Variants in EYS observed in about 807,000 individuals in gnomAD.
EYS encodes the protein EGF-like photoreceptor maintenance factor.
A neutral mutation model predicts 282.1 loss-of-function variants in EYS; 250 were observed. The observed-to-expected ratio is 0.89, with a 90% CI of 0.80 to 0.98. The LOEUF (loss-of-function observed/expected upper bound fraction) is 0.98, where lower values mean the gene tolerates loss of function less well. Ranked by LOEUF, EYS falls within the 50% of genes least tolerant of loss-of-function variation. The pLI, the probability that EYS is intolerant of heterozygous loss-of-function variation, is 0.00. For missense variants in EYS, 4,016 were observed against 3,709.0 expected (o/e 1.08, Z -2.15); for synonymous variants, 1,355 against 1,282.9 (o/e 1.06, Z -1.20).
intron 22 of EYS, among the ~76,000 whole-genome samples, chr6:64,633,626 C>CAAAAAAAAA (rs58815312): frequency 7.1e-6 from 1 of 140,614 alleles, no homozygotes. Flanking sequence ...CTTTTCTCAG[C>CAAAAAAAAA]AAAAAAAAAA....
intron 30 of EYS, among the ~76,000 whole-genome samples, chr6:64,274,322 G>A (rs758553812): frequency 4.0e-5 from 6 of 151,876 alleles, no homozygotes; most frequent in South Asian, 2.1e-4. Flanking sequence ...ATACAGGCCC[G>A]CGCCACCACG....
At chr6:63,843,404 G>T (rs1219392050) in intron 36 of EYS, among the ~76,000 whole-genome samples, 2 of 152,060 alleles carry the variant, frequency 1.3e-5, no homozygotes, top group Non-Finnish European at 2.9e-5. Flanking sequence ...TTGGCTGTTT[G>T]TCTATTATTG....
chr6:65,279,775 A>C (rs2150274135), intron 12 of EYS, among the ~76,000 whole-genome samples: 2 of 152,342 alleles, frequency 1.3e-5, no homozygotes, highest in Middle Eastern at 3.4e-3. Flanking sequence ...GACTTACATA[A>C]ACCTTTCTTA....
At chr6:65,086,002 G>T (rs994020563) in intron 12 of EYS, among the ~76,000 whole-genome samples, 1 of 148,800 alleles carries the variant, frequency 6.7e-6, no homozygotes, top group African/African-American at 2.5e-5. Flanking sequence ...GGAGTACCTG[G>T]CTTAATGTAT....
chr6:65,001,445 T>C (rs1227868350), intron 13 of EYS, among the ~76,000 whole-genome samples: 1 of 147,628 alleles, frequency 6.8e-6, no homozygotes, highest in African/African-American at 2.4e-5. Context: ...TCTCTCTTTC[T>C]CTGCGGAAGA....
At chr6:64,223,349 T>C (rs755605022) in intron 31 of EYS, among the ~76,000 whole-genome samples, 1 of 152,078 alleles carries the variant, frequency 6.6e-6, no homozygotes, top group Non-Finnish European at 1.5e-5. Context: ...AGTAAATTCA[T>C]CAAATGTTAA....
chr6:64,060,605 AAAC>A (rs1771133792), intron 33 of EYS, among the ~76,000 whole-genome samples: 1 of 152,200 alleles, frequency 6.6e-6, no homozygotes, highest in Non-Finnish European at 1.5e-5. Context: ...TTTCTTTCTT[AAAC>A]AACTGTGAGA....
intron 22 of EYS, among the ~76,000 whole-genome samples, chr6:64,718,824 G>T (rs1360556853): frequency 1.3e-5 from 2 of 152,196 alleles, no homozygotes; most frequent in East Asian, 3.9e-4. Flanking sequence ...GTTAGATATT[G>T]TGATAAGCAG....
chr6:64,314,301 T>C (rs563236184), intron 29 of EYS, among the ~76,000 whole-genome samples: 4 of 143,252 alleles, frequency 2.8e-5, no homozygotes, highest in South Asian at 2.2e-4. Context: ...CATTACATAA[T>C]GGTAAAGGGA....
At chr6:65,233,345 G>A (rs1017598160) in intron 12 of EYS, among the ~76,000 whole-genome samples, 12 of 152,186 alleles carry the variant, frequency 7.9e-5, no homozygotes, top group South Asian at 2.1e-4. Flanking sequence ...TATTGCTGCC[G>A]TTTGCTTGGT....
At chr6:64,208,290 G>A (rs1027107745) in intron 31 of EYS, among the ~76,000 whole-genome samples, 3 of 152,088 alleles carry the variant, frequency 2.0e-5, no homozygotes, top group African/African-American at 7.2e-5. Flanking sequence ...ATATTATGCA[G>A]CCTTTTAAAG....
intron 22 of EYS, among the ~76,000 whole-genome samples, chr6:64,812,189 T>C (rs1239707978): frequency 6.6e-6 from 1 of 151,312 alleles, no homozygotes; most frequent in Non-Finnish European, 1.5e-5. Flanking sequence ...AAAAGTACGA[T>C]AAACAGAAAG....
chr6:65,151,526 G>A (rs1053557899), intron 12 of EYS, among the ~76,000 whole-genome samples: 4 of 152,042 alleles, frequency 2.6e-5, no homozygotes, highest in Non-Finnish European at 5.9e-5. Context: ...GGTGATTCTT[G>A]AAGAAAATTG....
intron 12 of EYS, among the ~76,000 whole-genome samples, chr6:65,101,392 A>T (rs1774889087): frequency 6.6e-6 from 1 of 151,302 alleles, no homozygotes; most frequent in South Asian, 2.1e-4. Context: ...AAAAGTATTT[A>T]AAAATAAAGT....
chr6:65,193,270 A>C (rs1765685623), intron 12 of EYS, among the ~76,000 whole-genome samples: 1 of 151,918 alleles, frequency 6.6e-6, no homozygotes, highest in Admixed American at 6.6e-5. Flanking sequence ...TCACAGTGCT[A>C]GTAATTAACC....
intron 29 of EYS, among the ~76,000 whole-genome samples, chr6:64,317,051 A>G (rs922281282): frequency 6.6e-6 from 1 of 152,208 alleles, no homozygotes; most frequent in African/African-American, 2.4e-5. Flanking sequence ...TACACCTTAT[A>G]TAAAAATTAA....
intron 5 of EYS, among the ~76,000 whole-genome samples, chr6:65,487,491 T>C (rs1765845763): frequency 1.3e-5 from 2 of 152,230 alleles, no homozygotes; most frequent in Non-Finnish European, 2.9e-5. Flanking sequence ...GATTTGCGTA[T>C]GTTTAACTGG....
chr6:65,577,522 T>A (rs561319307), intron 2 of EYS, among the ~76,000 whole-genome samples: 1 of 151,916 alleles, frequency 6.6e-6, no homozygotes, highest in East Asian at 1.9e-4. Context: ...AGGGTAATAA[T>A]GTTTTTGGAT....
At chr6:64,008,342 C>T (rs1768447916) in intron 33 of EYS, among the ~76,000 whole-genome samples, 1 of 152,258 alleles carries the variant, frequency 6.6e-6, no homozygotes, top group South Asian at 2.1e-4. Flanking sequence ...TTTTCCCTCT[C>T]TCTTGACTTT....
Sources: allele counts gnomAD v4.1 joint callset (sites outside exome capture counted in the v4.1 genomes callset), GRCh38; gene constraint gnomAD v4.1.1; transcripts MANE v1.5; gene names NCBI Gene and HGNC (gene_info 2026-07-23, HGNC 2026-07-21).